SMARCC2: variants seen among roughly 807,000 people sequenced by gnomAD.
SMARCC2 encodes the protein SWI/SNF related BAF chromatin remodeling complex subunit C2, also known as SWI/SNF complex subunit SMARCC2.
SMARCC2 carries 15 observed loss-of-function variants against 151.3 expected under a neutral mutation model. That is an observed-to-expected ratio of 0.10 (90% CI 0.07 to 0.15). The LOEUF (loss-of-function observed/expected upper bound fraction) is 0.15. SMARCC2 is among the 10% of genes least tolerant of loss of function. The pLI is 1.00. For synonymous variants in SMARCC2, 590 were observed against 609.5 expected, an observed-to-expected ratio of 0.97 and a Z score of 0.47; for missense variants, 1,031 against 1,599.7, an observed-to-expected ratio of 0.64 and a Z score of 6.06.
chr12:56,164,225 C>T, intron 28 of SMARCC2, 78 bp downstream of exon 28: 2 of 1,344,994 alleles, frequency 1.5e-6, no homozygotes, highest in South Asian at 2.4e-5. Flanking sequence ...TACCTGACCT[C>T]TTCCCCACCT....
rs1449394995 is a variant in SMARCC2, at chr12:56,165,718, T to C, written c.2851-19A>G. 1.2e-6 allele frequency: 2 copies of C among 1,604,768 alleles called. No homozygotes were observed. The highest frequency in any genetic ancestry group is 2.2e-5 in the East Asian group (1 of 44,884). Reference sequence around the variant, plus strand: ...ACTCCAGCTGCCAGTGCCAATTGAGTATTGTTATCCAATTTTCAGCAGATC... The same window carrying C: ...ACTCCAGCTGCCAGTGCCAATTGAGCATTGTTATCCAATTTTCAGCAGATC... On this transcript the variant is annotated intron_variant, in intron 26 of 28. Transcript: ENST00000550164.
Position 56,169,868 on chromosome 12 carries a change from T to C in SMARCC2, c.2456A>G (p.Glu819Gly), listed in dbSNP as rs200758361. The C allele has an allele frequency of 2.4e-4, 395 of 1,614,118 alleles. 1 individual carries two copies. Among genetic ancestry groups the C allele is most frequent in the South Asian group, 3.8e-4 (35 of 91,066 alleles). Residue 819 changes from glutamate (E) to glycine (G), a missense_variant, in exon 24 of 29, where the codon GAG (glutamate) becomes GGG (glycine). By Grantham distance (98) the Glu-to-Gly change is moderately conservative. This residue lies in a region of SMARCC2 where 119 missense variants were observed against 184.2 expected (regional missense o/e 0.65). Coordinates refer to ENST00000550164, the MANE Select transcript of SMARCC2 (RefSeq NM_001330288.2). ...CTTCTTGGGAGCCTCGCTGGTTTTC[T>C]CTTTTGCTTCCTCCTCTATAGCACC... Reference protein sequence around the residue: ...GGGAIEEEAKEKTSEAPKKDE... With the variant: ...GGGAIEEEAKGKTSEAPKKDE...
intron 26 of SMARCC2, among the ~76,000 whole-genome samples, chr12:56,167,685 T>G (rs1386972527): frequency 1.3e-5 from 2 of 152,114 alleles, no homozygotes; most frequent in Non-Finnish European, 2.9e-5. Flanking sequence ...TTCAAGGACC[T>G]GGAGATGCAG....
intron 15 of SMARCC2, among the ~76,000 whole-genome samples, chr12:56,175,041 C>T (rs533182191): frequency 6.6e-6 from 1 of 152,036 alleles, no homozygotes; most frequent in South Asian, 2.1e-4. Flanking sequence ...GATGGAGTTT[C>T]CCTCTTGTTG....
chr12:56,187,366 C>T (rs1592329835), intron 1 of SMARCC2, 60 bp from the exon 2 acceptor site: 2 of 1,501,894 alleles, frequency 1.3e-6, no homozygotes, highest in African/African-American at 2.8e-5. Context: ...CCACTATCTC[C>T]CATATTTCTC....
At chr12:56,178,325 G>A in intron 14 of SMARCC2, 79 bp downstream of exon 14, 2 of 1,510,910 alleles carry the variant, frequency 1.3e-6, no homozygotes, top group Admixed American at 1.7e-5. Context: ...TTATTTGGAG[G>A]AGGCAGGGAG....
intron 7 of SMARCC2, 47 bp from the exon 8 acceptor site, chr12:56,182,126 G>A (rs755536056): frequency 7.3e-7 from 1 of 1,366,940 alleles, no homozygotes; most frequent in South Asian, 1.2e-5. Flanking sequence ...GGATAGAATT[G>A]TGGAAAAGTA....
rs1441283134 is a variant in SMARCC2, at chr12:56,164,877, C to T, written c.3233-146G>A. On this transcript the variant is annotated intron_variant, in intron 27 of 28. Transcript: ENST00000550164. ...GATCTTGGCTCACTGCAACCTCCGC[C>T]TCCCGGGTTTAAGCAATCTCCTGCC... The T allele has an allele frequency of 5.7e-6, 4 of 698,200 alleles. No homozygotes were observed. In the East Asian group the frequency reaches 8.2e-5, roughly 14 times the overall value. The allele number at this position is 698,200 out of a possible 1,614,324, so 43.3% of individuals were successfully genotyped here. A position where few individuals can be genotyped will look rare whatever the true frequency, so the allele number is the denominator to read the frequency against.
Position 56,181,738 on chromosome 12 carries a change from C to T in SMARCC2, c.806G>A (p.Arg269Gln), listed in dbSNP as rs1246858344. Residue 269 changes from arginine (R) to glutamine (Q), a missense_variant, in exon 9 of 29, where the codon CGA becomes CAA. Transcript: ENST00000550164. ...VNDDKNPVSRRKKISAKTLTD... is the reference protein window; with the variant it reads ...VNDDKNPVSRQKKISAKTLTD... ...CAGTGTCTTGGCTGAAATCTTCTTT[C>T]GGCGGGAGACAGGGTTTTTGTCATC... The T allele has an allele frequency of 1.2e-5, 19 of 1,614,028 alleles. No individual in the cohort carries two copies. The highest frequency in any genetic ancestry group is 2.2e-5 in the East Asian group (1 of 44,906).
chr12:56,181,557 C>T lies in SMARCC2; in HGVS notation c.881G>A (p.Gly294Glu). The change falls in exon 10 of 29, where the codon GGA becomes GAA. Residue 294 changes from glycine to glutamate, a missense_variant. Transcript: ENST00000550164. ...GGAGCGCTTCCTCTTCTTATAGTTT[C>T]CCCCCTTCTTGTCCCGTCGATCTGA... ...PDSDRRDKKG[G>E]NYKKRKRSPS... The T allele has an allele frequency of 6.3e-7, 1 of 1,589,154 alleles. No homozygotes were observed. Among genetic ancestry groups the T allele is most frequent in the Non-Finnish European group, 8.6e-7 (1 of 1,168,518 alleles).
rs778603578 is a variant in SMARCC2 at position 56,170,093 on chromosome 12, T to A, written c.2412+51A>T. The A allele has an allele frequency of 4.5e-6, 7 of 1,545,502 alleles. No homozygotes were observed. In the South Asian group the frequency reaches 5.6e-5, roughly 12 times the overall value. ...AAGCTGAACAAGGCCAACTTCCCCATCACCACAGTGCTGCACGCAGCCCCT... is the reference window on the plus strand; with the variant it reads ...AAGCTGAACAAGGCCAACTTCCCCAACACCACAGTGCTGCACGCAGCCCCT... On this transcript the variant is annotated intron_variant, in intron 23 of 28. Transcript: ENST00000550164.
intron 1 of SMARCC2, 53 bp from the exon 2 acceptor site, chr12:56,187,359 C>T: frequency 6.4e-7 from 1 of 1,553,130 alleles, no homozygotes; most frequent in Non-Finnish European, 8.9e-7. Context: ...AAATTGTCCA[C>T]TATCTCCCAT....
At chr12:56,183,541 A>G (rs1490860882) in intron 7 of SMARCC2, 1 of 248,514 alleles carries the variant, frequency 4.0e-6, no homozygotes. Flanking sequence ...TAAAGACTGC[A>G]TAATAGTCCA....
chr12:56,189,326 G>A (rs1877928080), intron 1 of SMARCC2, 25 bp downstream of exon 1: 2 of 1,422,354 alleles, frequency 1.4e-6, no homozygotes, highest in Non-Finnish European at 1.9e-6. Flanking sequence ...CCCGGTCCCC[G>A]CGCGGCCCGG....
intron 3 of SMARCC2, 113 bp downstream of exon 3, chr12:56,186,042 C>G (rs79659813): frequency 5.0e-6 from 4 of 805,206 alleles, no homozygotes; most frequent in African/African-American, 1.7e-5. Flanking sequence ...GGTCTACTGA[C>G]CCAGCAAAAT....
chr12:56,183,830 A>C, intron 7 of SMARCC2, 31 bp downstream of exon 7: 2 of 1,561,142 alleles, frequency 1.3e-6, no homozygotes, highest in Non-Finnish European at 1.8e-6. Context: ...TGGCTCTTAT[A>C]CTTAAACCTG....
chr12:56,185,474 C>A, intron 3 of SMARCC2: 1 of 226,632 alleles, frequency 4.4e-6, no homozygotes, highest in Non-Finnish European at 8.8e-6. Context: ...TGAGCCACCA[C>A]ACCCGGCCTT....
At chr12:56,170,247 A>C in intron 22 of SMARCC2, 39 bp from the exon 23 acceptor site, 1 of 1,544,732 alleles carries the variant, frequency 6.5e-7, no homozygotes, top group Non-Finnish European at 8.9e-7. Flanking sequence ...GGAAATGTTT[A>C]ATACACAGTC....
In SMARCC2 at chr12:56,164,537, C is replaced by T. The variant is rs751730460; in HGVS notation, c.3427G>A (p.Ala1143Thr). ...LADSISINLP[A>T]PPNLHGHHHH... is the part of the protein sequence containing the mutation. Reference sequence around the variant, plus strand: ...TGATGCCCATGCAGGTTAGGAGGAGCGGGGAGGTTAATACTGATGGAGTCA... The same window carrying T: ...TGATGCCCATGCAGGTTAGGAGGAGTGGGGAGGTTAATACTGATGGAGTCA... The change falls in exon 28 of 29, where the codon GCT (alanine) becomes ACT (threonine). Residue 1143 changes from alanine to threonine, a missense_variant. Ala to Thr is a moderately conservative substitution (Grantham distance 58). Coordinates refer to ENST00000550164, the MANE Select transcript of SMARCC2 (RefSeq NM_001330288.2). 11 of 1,613,948 alleles carry T rather than the reference C, an allele frequency of 6.8e-6. No individual in the cohort carries two copies. Among genetic ancestry groups the T allele is most frequent in the East Asian group, 6.7e-5 (3 of 44,890 alleles).
Sources: gnomAD v4.1 joint callset for allele counts (sites outside exome capture counted in the v4.1 genomes callset) on GRCh38, gnomAD v4.1.1 for gene constraint, gnomAD v4.1.1 regional missense constraint, MANE v1.5 for transcripts, NCBI Gene and HGNC (gene_info 2026-07-23, HGNC 2026-07-21) for gene names.